CDH12: variants seen among roughly 807,000 people sequenced by gnomAD.
The protein encoded by CDH12 is cadherin-12.
In CDH12, 41 loss-of-function variants were observed where a neutral mutation model predicts 74.1. The observed-to-expected ratio is 0.55, with a 90% CI of 0.43 to 0.72. The LOEUF (loss-of-function observed/expected upper bound fraction) is 0.72. Among genes scored for constraint, CDH12 ranks in the 30% least tolerant of loss-of-function variants. The pLI is 0.00. For missense variants in CDH12, 945 were observed against 977.2 expected (o/e 0.97, Z 0.44); for synonymous variants, 399 against 355.0 (o/e 1.12, Z -1.39).
At chr5:22,005,853 A>G (rs1228033352) in intron 5 of CDH12, among the ~76,000 whole-genome samples, 1 of 151,826 alleles carries the variant, frequency 6.6e-6, no homozygotes, top group Middle Eastern at 3.2e-3. Context: ...TTACTCTCCT[A>G]CTCTCTGCAA....
At chr5:21,855,496 T>C (rs1000379911) in intron 6 of CDH12, among the ~76,000 whole-genome samples, 1 of 151,592 alleles carries the variant, frequency 6.6e-6, no homozygotes, top group Non-Finnish European at 1.5e-5. Context: ...CATAAGCATA[T>C]TGAAATCAGT....
chr5:22,144,140 T>C (rs547118831), intron 4 of CDH12: 2 of 152,320 alleles, frequency 1.3e-5, no homozygotes, highest in Admixed American at 1.3e-4. Context: ...AGTCCTTTTA[T>C]CTACTCAAGT....
chr5:22,197,931 T>C (rs1561211842), intron 4 of CDH12, among the ~76,000 whole-genome samples: 1 of 152,184 alleles, frequency 6.6e-6, no homozygotes, highest in African/African-American at 2.4e-5. Flanking sequence ...TTGAAAGTTA[T>C]AAAAGGCTTT....
intron 3 of CDH12, among the ~76,000 whole-genome samples, chr5:22,268,577 A>G (rs995666925): frequency 1.3e-5 from 2 of 152,148 alleles, no homozygotes; most frequent in East Asian, 3.9e-4. Context: ...TTTTTGTAAA[A>G]AAAAACTCTA....
At chr5:22,074,884 T>C (rs1483520916) in intron 5 of CDH12, among the ~76,000 whole-genome samples, 2 of 152,064 alleles carry the variant, frequency 1.3e-5, no homozygotes, top group Non-Finnish European at 2.9e-5. Flanking sequence ...AGTTCAACCA[T>C]TGTGGAAGTC....
intron 1 of CDH12, among the ~76,000 whole-genome samples, chr5:22,823,713 C>T (rs1389400961): frequency 6.6e-6 from 1 of 152,000 alleles, no homozygotes; most frequent in Non-Finnish European, 1.5e-5. Context: ...CCATGCTGTT[C>T]TCATGATAAT....
rs142149860 is a variant in CDH12, at chr5:22,105,994, G to A, written c.-186-27132C>T. Reference sequence around the variant, plus strand: ...GTATTGTGAATATTATTTCCAGGTTGGTATATGTCCTATGATTGGTTTGTG... The same window carrying A: ...GTATTGTGAATATTATTTCCAGGTTAGTATATGTCCTATGATTGGTTTGTG... On this transcript the variant is annotated intron_variant, in intron 4 of 14. Transcript: ENST00000382254. Among the ~76,000 whole-genome samples the A allele has an allele frequency of 2.6e-4, 40 of 152,174 alleles. No individual in the cohort carries two copies. In the East Asian group the frequency reaches 7.2e-3, roughly 27 times the overall value.
At chr5:22,683,867 T>C (rs942072273) in intron 1 of CDH12, among the ~76,000 whole-genome samples, 4 of 152,202 alleles carry the variant, frequency 2.6e-5, no homozygotes, top group Non-Finnish European at 5.9e-5. Context: ...GGCATAGACA[T>C]CACAAGAAGT....
chr5:22,068,883 C>T (rs917632672), intron 5 of CDH12, among the ~76,000 whole-genome samples: 1 of 152,200 alleles, frequency 6.6e-6, no homozygotes, highest in Admixed American at 6.5e-5. Context: ...CTCACCAAAG[C>T]TGACCTGGCT....
In CDH12 at chr5:22,425,153, GTATATATATATATATATAAA is replaced by G. The variant is rs1210809111; in HGVS notation, c.-427-19822_-427-19803del. On this transcript the variant is annotated intron_variant, in intron 2 of 14. Transcript: ENST00000382254. ...TGTAAAATTATATATATGTGTGTGTGTATATATATATATATATAAATATATATATATATATACTTCTTTCC... is the reference window on the plus strand; with the variant it reads ...TGTAAAATTATATATATGTGTGTGTGTATATATATATATATACTTCTTTCC... 4.4e-3 allele frequency among the ~76,000 whole-genome samples: 390 copies of G among 88,012 alleles called. 7 individuals are homozygous for G. Among genetic ancestry groups the G allele is most frequent in the African/African-American group, 0.015 (374 of 25,668 alleles). The allele number at this position is 88,012 out of a possible 152,430, so 57.7% of individuals were successfully genotyped here.
rs374761192 is a variant in CDH12 at position 21,956,776 on chromosome 5, T to C, written c.526+18315A>G. On this transcript the variant is annotated intron_variant, in intron 6 of 14. Transcript: ENST00000382254. ...GTTTTCTCAGCCATCTATTGTCAAG[T>C]GTTCTTATTAAGCATTATTATTAAA... Among the ~76,000 whole-genome samples, 4 of 152,298 alleles carry C rather than the reference T, an allele frequency of 2.6e-5. No homozygotes were observed. The East Asian group carries it at 7.7e-4, about 29-fold the overall frequency.
At chr5:22,450,769 A>G (rs1314824388) in intron 2 of CDH12, among the ~76,000 whole-genome samples, 2 of 151,934 alleles carry the variant, frequency 1.3e-5, no homozygotes, top group African/African-American at 2.4e-5. Context: ...GCCCTGGCTA[A>G]GAAAGCTCAT....
intron 4 of CDH12, among the ~76,000 whole-genome samples, chr5:22,129,919 T>TA (rs1244134249): frequency 2.0e-5 from 3 of 152,008 alleles, no homozygotes; most frequent in Non-Finnish European, 4.4e-5. Context: ...AAAAACACAT[T>TA]AAAAAATCCT....
At chr5:22,418,045 A>G (rs2126488964) in intron 2 of CDH12, among the ~76,000 whole-genome samples, 1 of 152,324 alleles carries the variant, frequency 6.6e-6, no homozygotes, top group South Asian at 2.1e-4. Context: ...TTTGGGCAGT[A>G]TGGCCATTTT....
chr5:22,392,577 G>T lies in CDH12; in HGVS notation c.-333+12680C>A, dbSNP rs537063758. 1.1e-4 allele frequency among the ~76,000 whole-genome samples: 17 copies of T among 152,276 alleles called. No homozygotes were observed. The South Asian group carries it at 2.7e-3, about 24-fold the overall frequency. ...GCACTATTCAAATGTAGTTAAATAAGCATTATTTAGTTGTTCCTTTACAAC... is the reference window on the plus strand; with the variant it reads ...GCACTATTCAAATGTAGTTAAATAATCATTATTTAGTTGTTCCTTTACAAC... On this transcript the variant is annotated intron_variant, in intron 3 of 14. Transcript: ENST00000382254.
intron 4 of CDH12, among the ~76,000 whole-genome samples, chr5:22,152,751 G>C (rs180912346): frequency 9.9e-5 from 15 of 152,086 alleles, no homozygotes; most frequent in African/African-American, 3.1e-4. Flanking sequence ...TTGTATCCTT[G>C]GACCAATGTC....
chr5:22,849,434 G>T (rs569790456), intron 1 of CDH12, among the ~76,000 whole-genome samples: 2 of 152,112 alleles, frequency 1.3e-5, no homozygotes, highest in East Asian at 3.9e-4. Context: ...ATTTTATGGT[G>T]TACTAAAGGT....
At position 22,588,004 on chromosome 5, in the gene CDH12, A is replaced by G. The variant is rs972862859; in HGVS notation, c.-522-82640T>C. Among the ~76,000 whole-genome samples the G allele has an allele frequency of 2.0e-5, 3 of 149,090 alleles. No homozygotes were observed. In the South Asian group the frequency reaches 6.3e-4, roughly 31 times the overall value. ...CATACATATATATGTGTGTCTATATACCTACCAAATATATCCATATTATAT... is the reference window on the plus strand; with the variant it reads ...CATACATATATATGTGTGTCTATATGCCTACCAAATATATCCATATTATAT... On this transcript the variant is annotated intron_variant, in intron 1 of 14. Coordinates refer to ENST00000382254, the MANE Select transcript of CDH12 (RefSeq NM_004061.5).
intron 1 of CDH12, among the ~76,000 whole-genome samples, chr5:22,691,142 G>T (rs1159062624): frequency 6.6e-6 from 1 of 152,140 alleles, no homozygotes; most frequent in Non-Finnish European, 1.5e-5. Context: ...AGTCACAGTT[G>T]TGTAGCTAAA....
Sources: allele counts gnomAD v4.1 joint callset (sites outside exome capture counted in the v4.1 genomes callset), GRCh38; gene constraint gnomAD v4.1.1; transcripts MANE v1.5; gene names NCBI Gene and HGNC (gene_info 2026-07-23, HGNC 2026-07-21).